The following SLC30A9 variants were observed in gnomAD, a reference collection of about 807,000 sequenced individuals.
The protein encoded by SLC30A9 is proton-coupled zinc antiporter SLC30A9, mitochondrial.
In SLC30A9, 58 loss-of-function variants were observed where a neutral mutation model predicts 87.5. The ratio of observed to expected loss-of-function variants is 0.66; its 90% CI spans 0.54 to 0.82. SLC30A9 has a LOEUF of 0.82. SLC30A9 is among the 40% of genes least tolerant of loss of function. SLC30A9 has a pLI of 0.00. For synonymous variants in SLC30A9, 234 were observed against 233.0 expected, an observed-to-expected ratio of 1.00 and a Z score of -0.04; for missense variants, 557 against 679.1, an observed-to-expected ratio of 0.82 and a Z score of 2.00.
intron 9 of SLC30A9, among the ~76,000 whole-genome samples, chr4:42,059,070 T>C (rs1259243288): frequency 6.6e-6 from 1 of 152,202 alleles, no homozygotes; most frequent in Non-Finnish European, 1.5e-5. Flanking sequence ...TATATTTGTA[T>C]TAAGTATTTT....
chr4:42,062,561 A>G (rs990476512), intron 10 of SLC30A9, among the ~76,000 whole-genome samples: 8 of 152,226 alleles, frequency 5.3e-5, no homozygotes, highest in African/African-American at 1.7e-4. Flanking sequence ...GCATCAAATT[A>G]TAGGTATTAT....
chr4:42,060,160 A>G lies in SLC30A9; in HGVS notation c.841-31A>G, dbSNP rs780451859. Reference sequence around the variant, plus strand: ...TATTATACTCTCCATCTTGCTAATGATTATTCACCTTTTTTTCTTCTTCTT... The same window carrying G: ...TATTATACTCTCCATCTTGCTAATGGTTATTCACCTTTTTTTCTTCTTCTT... On this transcript the variant is annotated intron_variant, in intron 9 of 17. Transcript: ENST00000264451. 6.4e-6 allele frequency: 10 copies of G among 1,568,952 alleles called. No homozygotes were observed. The East Asian group carries it at 2.2e-4, about 35-fold the overall frequency.
In SLC30A9 at chr4:42,035,776, G is replaced by GTGAGCCACCA. The variant is rs1297098920; in HGVS notation, c.669+445_669+446insAGCCACCATG. On this transcript the variant is annotated intron_variant, in intron 7 of 17. Coordinates refer to ENST00000264451, the MANE Select transcript of SLC30A9 (RefSeq NM_006345.4). ...CTCCCAAAGTGTTGGGATTACAAGC[G>GTGAGCCACCA]TGCCCGGCCTGATTTTCTTGAAATT... Among the ~76,000 whole-genome samples the GTGAGCCACCA allele has an allele frequency of 3.2e-3, 489 of 152,014 alleles. 2 individuals carry two copies. The highest frequency in any genetic ancestry group is 0.011 in the African/African-American group (466 of 41,488).
intron 2 of SLC30A9, among the ~76,000 whole-genome samples, chr4:42,014,163 A>C (rs1447872767): frequency 1.3e-5 from 2 of 152,308 alleles, no homozygotes; most frequent in East Asian, 1.9e-4. Context: ...GAGAAGTGCA[A>C]ATCAAAACTA....
intron 1 of SLC30A9, among the ~76,000 whole-genome samples, chr4:41,993,827 A>C (rs182975180): frequency 6.6e-6 from 1 of 152,340 alleles, no homozygotes; most frequent in Non-Finnish European, 1.5e-5. Flanking sequence ...TACCTTTATT[A>C]TGGGCTGGTG....
At chr4:42,028,678 G>GT (rs763594501) in intron 6 of SLC30A9, among the ~76,000 whole-genome samples, 3 of 152,210 alleles carry the variant, frequency 2.0e-5, no homozygotes, top group Admixed American at 6.5e-5. Flanking sequence ...TGAACCAATA[G>GT]TATCACCTTT....
intron 8 of SLC30A9, among the ~76,000 whole-genome samples, chr4:42,042,956 C>G (rs1716983699): frequency 6.6e-6 from 1 of 152,186 alleles, no homozygotes; most frequent in Non-Finnish European, 1.5e-5. Context: ...GGACCTCCAG[C>G]AAACTCCAGC....
chr4:42,075,641 T>C lies in SLC30A9; in HGVS notation c.1419-16T>C. Reference sequence around the variant, plus strand: ...GTATGTATAAATAAATTTGTATGCATTGTTATTGATTGCAGGGCAATTCAT... The same window carrying C: ...GTATGTATAAATAAATTTGTATGCACTGTTATTGATTGCAGGGCAATTCAT... On this transcript the variant is annotated splice_polypyrimidine_tract_variant and intron_variant, in intron 15 of 17. Coordinates refer to ENST00000264451, the MANE Select transcript of SLC30A9 (RefSeq NM_006345.4). 1 of 1,608,554 alleles carries C rather than the reference T, an allele frequency of 6.2e-7. No individual in the cohort carries two copies. Among genetic ancestry groups the C allele is most frequent in the African/African-American group, 1.3e-5 (1 of 74,890 alleles).
chr4:42,033,854 C>T (rs1317426064), intron 6 of SLC30A9, among the ~76,000 whole-genome samples: 3 of 152,202 alleles, frequency 2.0e-5, no homozygotes, highest in Non-Finnish European at 4.4e-5. Context: ...GGATTACAGG[C>T]ATGAGCCACC....
At chr4:42,079,903 A>AG (rs1718693292) in intron 17 of SLC30A9, among the ~76,000 whole-genome samples, 1 of 152,232 alleles carries the variant, frequency 6.6e-6, no homozygotes, top group Non-Finnish European at 1.5e-5. Context: ...AGCGTGAGCC[A>AG]CCATGCCAAG....
At chr4:42,054,417 T>C (rs1311413470) in intron 9 of SLC30A9, among the ~76,000 whole-genome samples, 1 of 152,078 alleles carries the variant, frequency 6.6e-6, no homozygotes, top group Admixed American at 6.5e-5. Context: ...ATGTGAATTT[T>C]ACCTCAAAAA....
intron 9 of SLC30A9, among the ~76,000 whole-genome samples, chr4:42,053,864 C>G (rs1010285806): frequency 6.6e-6 from 1 of 151,926 alleles, no homozygotes; most frequent in Admixed American, 6.6e-5. Context: ...GAATGAAGTA[C>G]TTTTCTGACT....
chr4:42,006,655 C>G (rs1321187598), intron 2 of SLC30A9, among the ~76,000 whole-genome samples: 1 of 148,918 alleles, frequency 6.7e-6, no homozygotes, highest in Non-Finnish European at 1.5e-5. Context: ...CCACTGCACT[C>G]TAGCCTGGGC....
In SLC30A9 at chr4:42,019,292, C is replaced by T. The variant is rs78719744; in HGVS notation, c.334+1122C>T. On this transcript the variant is annotated intron_variant, in intron 3 of 17. Coordinates refer to ENST00000264451, the MANE Select transcript of SLC30A9 (RefSeq NM_006345.4). The stretch of plus-strand genomic sequence containing the variant: ...TTTGCTCTTGCACTTCAGGTATTTG[C>T]TTATTTATCTCTATCATATGACCAA... Among the ~76,000 whole-genome samples the T allele has an allele frequency of 3.2e-3, 491 of 151,770 alleles. 2 individuals carry two copies. The highest frequency in any genetic ancestry group is 0.011 in the African/African-American group (470 of 41,482).
intron 8 of SLC30A9, among the ~76,000 whole-genome samples, chr4:42,045,256 A>C (rs1304520039): frequency 1.3e-5 from 2 of 152,168 alleles, no homozygotes; most frequent in African/African-American, 2.4e-5. Context: ...CCCTTCAAAA[A>C]ACCAGTGAAT....
chr4:42,002,025 G>T (rs914751706), intron 2 of SLC30A9, among the ~76,000 whole-genome samples: 1 of 151,856 alleles, frequency 6.6e-6, no homozygotes, highest in Non-Finnish European at 1.5e-5. Flanking sequence ...GGTATAAAGT[G>T]TATAATAATG....
chr4:42,035,128 T>G, intron 6 of SLC30A9, 147 bp from the exon 7 acceptor site: 1 of 716,750 alleles, frequency 1.4e-6, no homozygotes, highest in Non-Finnish European at 2.2e-6. Flanking sequence ...TTTAATCAGT[T>G]TACAAATCCA....
chr4:42,047,467 CAT>C (rs1278343197), intron 8 of SLC30A9, among the ~76,000 whole-genome samples: 3 of 152,174 alleles, frequency 2.0e-5, no homozygotes, highest in East Asian at 1.9e-4. Flanking sequence ...AGCCAACAAA[CAT>C]ATGGAAAAAA....
chr4:42,054,077 A>C (rs1364392798), intron 9 of SLC30A9, among the ~76,000 whole-genome samples: 3 of 152,136 alleles, frequency 2.0e-5, no homozygotes, highest in Non-Finnish European at 2.9e-5. Flanking sequence ...ATTCTGGGCC[A>C]GGTACGGTGG....
Sources: gnomAD v4.1 joint callset for allele counts (sites outside exome capture counted in the v4.1 genomes callset) on GRCh38, gnomAD v4.1.1 for gene constraint, MANE v1.5 for transcripts, NCBI Gene and HGNC (gene_info 2026-07-23, HGNC 2026-07-21) for gene names.